The following ENOX1 variants were observed in gnomAD, a reference collection of about 807,000 sequenced individuals.
ENOX1 encodes the protein ecto-NOX disulfide-thiol exchanger 1.
A neutral mutation model predicts 82.5 loss-of-function variants in ENOX1; 42 were observed. The ratio of observed to expected loss-of-function variants is 0.51; its 90% confidence interval spans 0.40 to 0.66. ENOX1 has a LOEUF of 0.66. Among genes scored for constraint, ENOX1 ranks in the 30% least tolerant of loss-of-function variants. ENOX1 has a pLI of 0.00. For missense variants in ENOX1, 608 were observed against 811.6 expected (o/e 0.75, Z 3.05); for synonymous variants, 271 against 282.2 (o/e 0.96, Z 0.40).
chr13:43,613,873 G>A (rs1276196310), intron 2 of ENOX1, among the ~76,000 whole-genome samples: 1 of 152,140 alleles, frequency 6.6e-6, no homozygotes, highest in Non-Finnish European at 1.5e-5. Flanking sequence ...GGAGGTTGCA[G>A]TGAGCCGCCG....
At chr13:43,255,542 G>A (rs998609566) in intron 14 of ENOX1, among the ~76,000 whole-genome samples, 4 of 152,024 alleles carry the variant, frequency 2.6e-5, no homozygotes, top group African/African-American at 7.2e-5. Context: ...CTAATGACTC[G>A]GCCAAAAAAC....
chr13:43,270,290 A>G (rs182256180), intron 12 of ENOX1, among the ~76,000 whole-genome samples: 270 of 152,292 alleles, frequency 1.8e-3, no homozygotes, highest in African/African-American at 6.0e-3. Flanking sequence ...ATATGTTAAT[A>G]TATACATAGG....
At chr13:43,703,010 T>C (rs2087010255) in intron 1 of ENOX1, among the ~76,000 whole-genome samples, 1 of 143,768 alleles carries the variant, frequency 7.0e-6, no homozygotes, top group Admixed American at 6.9e-5. Context: ...TTGCCCCTTC[T>C]GTCAAGAGAG....
At chr13:43,299,390 G>A (rs1229026451) in intron 11 of ENOX1, among the ~76,000 whole-genome samples, 1 of 152,086 alleles carries the variant, frequency 6.6e-6, no homozygotes, top group Non-Finnish European at 1.5e-5. Context: ...AATCAACATA[G>A]CCTGCTGAGC....
At chr13:43,646,872 C>T (rs1213341917) in intron 2 of ENOX1, among the ~76,000 whole-genome samples, 1 of 152,154 alleles carries the variant, frequency 6.6e-6, no homozygotes, top group African/African-American at 2.4e-5. Context: ...TCGTTTTATC[C>T]TTCTCCCACA....
intron 3 of ENOX1, among the ~76,000 whole-genome samples, chr13:43,447,025 A>G (rs2056686031): frequency 6.6e-6 from 1 of 152,268 alleles, no homozygotes; most frequent in Non-Finnish European, 1.5e-5. Flanking sequence ...ATGAGAACAT[A>G]GTGGCCTCTG....
At chr13:43,230,199 C>T (rs1309870171) in intron 15 of ENOX1, among the ~76,000 whole-genome samples, 1 of 152,058 alleles carries the variant, frequency 6.6e-6, no homozygotes, top group Non-Finnish European at 1.5e-5. Flanking sequence ...TAGTCAACCA[C>T]GTAAAGTAGC....
At chr13:43,367,893 A>T (rs142616302) in intron 5 of ENOX1, among the ~76,000 whole-genome samples, 23 of 152,186 alleles carry the variant, frequency 1.5e-4, no homozygotes, top group Non-Finnish European at 7.3e-5. Context: ...AAATACAAAG[A>T]TATTTCTAAA....
intron 2 of ENOX1, among the ~76,000 whole-genome samples, chr13:43,650,811 C>G (rs2084130328): frequency 6.6e-6 from 1 of 152,192 alleles, no homozygotes; most frequent in South Asian, 2.1e-4. Context: ...GTACTCCAGC[C>G]TGGGCGACAA....
At chr13:43,265,681 A>G (rs886912819) in intron 13 of ENOX1, among the ~76,000 whole-genome samples, 2 of 152,228 alleles carry the variant, frequency 1.3e-5, no homozygotes, top group African/African-American at 4.8e-5. Flanking sequence ...GGTCTTGGTC[A>G]TTATTTTTTA....
intron 12 of ENOX1, among the ~76,000 whole-genome samples, chr13:43,280,303 A>C (rs1274078462): frequency 6.6e-6 from 1 of 152,220 alleles, no homozygotes; most frequent in African/African-American, 2.4e-5. Context: ...CCTATGGGTG[A>C]CTTGTAGCCA....
At chr13:43,693,077 T>C (rs1208003447) in intron 1 of ENOX1, among the ~76,000 whole-genome samples, 2 of 152,130 alleles carry the variant, frequency 1.3e-5, no homozygotes, top group Non-Finnish European at 2.9e-5. Flanking sequence ...ACAGTTGTGT[T>C]TTTAAATAGG....
At chr13:43,714,684 C>T (rs2087985759) in intron 1 of ENOX1, among the ~76,000 whole-genome samples, 1 of 152,060 alleles carries the variant, frequency 6.6e-6, no homozygotes, top group Non-Finnish European at 1.5e-5. Context: ...TTCTTTGTCT[C>T]TTTTGATCTT....
chr13:43,620,626 G>A (rs946212353), intron 2 of ENOX1, among the ~76,000 whole-genome samples: 16 of 151,924 alleles, frequency 1.1e-4, no homozygotes, highest in African/African-American at 3.4e-4. Context: ...ATATAATTTC[G>A]ATTTTCTTAA....
intron 1 of ENOX1, among the ~76,000 whole-genome samples, chr13:43,764,034 A>AC (rs571405179): frequency 2.0e-4 from 31 of 152,182 alleles, no homozygotes; most frequent in Non-Finnish European, 8.8e-5. Flanking sequence ...AGCCCAGTTT[A>AC]ATGTTTACCT....
intron 2 of ENOX1, among the ~76,000 whole-genome samples, chr13:43,569,254 A>G (rs2080063004): frequency 6.6e-6 from 1 of 152,158 alleles, no homozygotes; most frequent in South Asian, 2.1e-4. Context: ...CCTTATTCTC[A>G]TAAGGCTCTC....
intron 2 of ENOX1, among the ~76,000 whole-genome samples, chr13:43,603,405 A>G: frequency 6.7e-6 from 1 of 149,542 alleles, no homozygotes; most frequent in Non-Finnish European, 1.5e-5. Context: ...TTATTATTAT[A>G]CTTTAAGTTT....
At chr13:43,430,124 T>C (rs977319391) in intron 3 of ENOX1, among the ~76,000 whole-genome samples, 34 of 152,236 alleles carry the variant, frequency 2.2e-4, no homozygotes, top group Admixed American at 2.2e-3. Flanking sequence ...GTCCACTGTG[T>C]GAGCAACGTG....
chr13:43,494,555 T>C (rs1490212617), intron 2 of ENOX1, among the ~76,000 whole-genome samples: 1 of 152,188 alleles, frequency 6.6e-6, no homozygotes, highest in Non-Finnish European at 1.5e-5. Flanking sequence ...GTACCTTTAA[T>C]ATTGTAAGAA....
Sources: allele counts gnomAD v4.1 joint callset (sites outside exome capture counted in the v4.1 genomes callset), GRCh38; gene constraint gnomAD v4.1.1; transcripts MANE v1.5; gene names NCBI Gene and HGNC (gene_info 2026-07-23, HGNC 2026-07-21).